AGRN: variants seen among roughly 807,000 people sequenced by gnomAD.
The protein encoded by AGRN is agrin proteoglycan.
A neutral mutation model predicts 211.0 loss-of-function variants in AGRN; 106 were observed. That is an observed-to-expected ratio of 0.50 (90% CI 0.43 to 0.59). AGRN has a LOEUF of 0.59. Among genes scored for constraint, AGRN ranks in the 20% least tolerant of loss-of-function variants. The probability of loss-of-function intolerance (pLI) is 0.00; values close to 1 mark genes in which losing one functional copy is unlikely to be tolerated. For missense variants in AGRN, 3,040 were observed against 2,982.6 expected, an observed-to-expected ratio of 1.02 and a Z score of -0.45; for synonymous variants, 1,525 against 1,332.5, an observed-to-expected ratio of 1.14 and a Z score of -3.15.
In AGRN at chr1:1,040,844, C is replaced by T; in HGVS notation, c.691C>T (p.Gln231Ter). ...CELQRAQCSQ[Q>*]RRIRLLSRGP... ...GCTGCAGCGGGCGCAGTGCAGCCAGCAGCGCCGCATCCGCCTGCTCAGCCG... is the reference window on the plus strand; with the variant it reads ...GCTGCAGCGGGCGCAGTGCAGCCAGTAGCGCCGCATCCGCCTGCTCAGCCG... Residue 231 changes from glutamine to a stop codon, truncating the protein, a stop_gained, in exon 4 of 36, where the codon CAG becomes TAG. Coordinates refer to ENST00000379370, the MANE Select transcript of AGRN (RefSeq NM_198576.4). LOFTEE classifies it high-confidence loss of function. 1 of 1,532,418 alleles carries T rather than the reference C, an allele frequency of 6.5e-7. No individual in the cohort carries two copies. The highest frequency in any genetic ancestry group is 8.7e-7 in the Non-Finnish European group (1 of 1,145,760). The allele number at this position is 1,532,418 out of a possible 1,614,324, so 94.9% of individuals were successfully genotyped here. A position where few individuals can be genotyped will look rare whatever the true frequency, so the allele number is the denominator to read the frequency against.
Position 1,055,145 on chromosome 1 carries a change from G to T in AGRN, c.*164G>T. ...GCAGACAGACCTAGTGCCGAGGGATGGACAGGCGAGGTGGCAGCGTGGAGG... is the reference window on the plus strand; with the variant it reads ...GCAGACAGACCTAGTGCCGAGGGATTGACAGGCGAGGTGGCAGCGTGGAGG... On this transcript the variant is annotated 3_prime_UTR_variant, in exon 36 of 36. Transcript: ENST00000379370. 1.8e-6 allele frequency: 2 copies of T among 1,139,448 alleles called. No homozygotes were observed. Among genetic ancestry groups the T allele is most frequent in the Non-Finnish European group, 2.5e-6 (2 of 798,774 alleles). The allele number at this position is 1,139,448 out of a possible 1,614,324, so 70.6% of individuals were successfully genotyped here.
rs569998185 is a variant in AGRN, at chr1:1,031,976, G to A, written c.464-3301G>A. 4.6e-5 allele frequency among the ~76,000 whole-genome samples: 7 copies of A among 152,338 alleles called. No individual in the cohort carries two copies. The East Asian group carries it at 1.3e-3, about 29-fold the overall frequency. On this transcript the variant is annotated intron_variant, in intron 2 of 35. Coordinates refer to ENST00000379370, the MANE Select transcript of AGRN (RefSeq NM_198576.4). This position sits in a 1 kb window ranked among gnomAD's most constrained non-coding sequence, Gnocchi z 4.8. ...CTGTTCTGGGTTTTCTCATCCCTGG[G>A]TCACACCCTGCGCTGGGGAGATAAA...
Position 1,051,753 on chromosome 1 carries a change from C to T in AGRN, c.5589C>T (p.Asp1863=), listed in dbSNP as rs148105695. The change falls in exon 33 of 36, where the codon GAC becomes GAT. Residue 1863 remains aspartate (D), a synonymous_variant. Transcript: ENST00000379370. ...GGCTGGTGGAGAAGTCAGCGGGGGA[C>T]GTGGATACCTTGGCCTTTGACGGGC... The part of the protein sequence containing the change: ...EKGLVEKSAG[D]VDTLAFDGRT... 159 of 1,613,868 alleles carry T rather than the reference C, an allele frequency of 9.9e-5. No individual in the cohort carries two copies. In the Middle Eastern group the frequency reaches 1.2e-3, roughly 12 times the overall value.
At chr1:1,023,578 C>G (rs774038550) in intron 2 of AGRN, among the ~76,000 whole-genome samples, 1 of 152,054 alleles carries the variant, frequency 6.6e-6, no homozygotes, top group Non-Finnish European at 1.5e-5. Context: ...CTGTCAGGAG[C>G]TGAGGAGGGG....
Position 1,048,309 on chromosome 1 carries a change from G to A in AGRN, c.4049G>A (p.Gly1350Asp), listed in dbSNP as rs1415450170. ...GGGACCTGCCAGGACTGGGCATTGGGCGGGGGCTTCACCTGCAGCTGCCCG... is the reference window on the plus strand; with the variant it reads ...GGGACCTGCCAGGACTGGGCATTGGACGGGGGCTTCACCTGCAGCTGCCCG... Reference protein sequence around the residue: ...HGGTCQDWALGGGFTCSCPAG... With the variant: ...HGGTCQDWALDGGFTCSCPAG... The change falls in exon 23 of 36, where the codon GGC becomes GAC. Residue 1350 changes from glycine to aspartate, a missense_variant. Physicochemically the swap from Gly to Asp is moderately conservative, Grantham distance 94 (BLOSUM62 -1). Transcript: ENST00000379370. This position sits in a 1 kb window ranked among gnomAD's most constrained non-coding sequence, Gnocchi z 5.9. The A allele has an allele frequency of 6.7e-7, 1 of 1,494,650 alleles. No individual in the cohort carries two copies. The highest frequency in any genetic ancestry group is 2.4e-5 in the East Asian group (1 of 41,218). The allele number at this position is 1,494,650 out of a possible 1,614,324, so 92.6% of individuals were successfully genotyped here. A position where few individuals can be genotyped will look rare whatever the true frequency, so the allele number is the denominator to read the frequency against.
At chr1:1,040,234 T>C (rs1644894776) in intron 3 of AGRN, among the ~76,000 whole-genome samples, 1 of 152,116 alleles carries the variant, frequency 6.6e-6, no homozygotes, top group Admixed American at 6.5e-5. Flanking sequence ...GGGGCTCCGG[T>C]GCCGATGTGG....
In AGRN at chr1:1,053,436, G is replaced by A. The variant is rs74912074; in HGVS notation, c.5652-317G>A. ...GGCCCCGCCTGTCCCCTGCTCACCC[G>A]CCTCCCTCTCTTCCTGCTTCTAAGC... On this transcript the variant is annotated intron_variant, in intron 33 of 35. Transcript: ENST00000379370. The A allele has an allele frequency of 4.9e-5, 70 of 1,425,836 alleles. No homozygotes were observed. In the East Asian group the frequency reaches 1.1e-3, roughly 22 times the overall value. The allele number at this position is 1,425,836 out of a possible 1,614,324, so 88.3% of individuals were successfully genotyped here. A position where few individuals can be genotyped will look rare whatever the true frequency, so the allele number is the denominator to read the frequency against.
Position 1,041,306 on chromosome 1 carries a change from C to G in AGRN, c.861C>G (p.Ser287Arg). 1 of 1,518,888 alleles carries G rather than the reference C, an allele frequency of 6.6e-7. No homozygotes were observed. The highest frequency in any genetic ancestry group is 8.8e-7 in the Non-Finnish European group (1 of 1,139,416). The allele number at this position is 1,518,888 out of a possible 1,614,324, so 94.1% of individuals were successfully genotyped here. A position where few individuals can be genotyped will look rare whatever the true frequency, so the allele number is the denominator to read the frequency against. Residue 287 changes from serine to arginine, a missense_variant, in exon 5 of 36, where the codon AGC (serine) becomes AGG (arginine). This residue lies in a region of AGRN where 1,498 missense variants were observed against 1,457.8 expected (regional missense o/e 1.03). Coordinates refer to ENST00000379370, the MANE Select transcript of AGRN (RefSeq NM_198576.4). The stretch of plus-strand genomic sequence containing the variant: ...CCCCCGAGGGGACCGTCTGCGGCAG[C>G]GACGGCGCCGACTACCCCGGCGAGT... ...RGAPEGTVCG[S>R]DGADYPGECQ... is the part of the protein sequence containing the mutation.
intron 2 of AGRN, among the ~76,000 whole-genome samples, chr1:1,029,146 G>T (rs1199542474): frequency 6.6e-6 from 1 of 152,092 alleles, no homozygotes; most frequent in African/African-American, 2.4e-5. Context: ...CCCCTCTGGG[G>T]CCTGCCAATT....
intron 1 of AGRN, among the ~76,000 whole-genome samples, chr1:1,020,936 C>T (rs2100558638): frequency 6.6e-6 from 1 of 151,868 alleles, no homozygotes; most frequent in Non-Finnish European, 1.5e-5. Flanking sequence ...CCATCGCGCT[C>T]CTGCGGGAAC....
At chr1:1,037,005 G>A in intron 3 of AGRN, among the ~76,000 whole-genome samples, 1 of 152,142 alleles carries the variant, frequency 6.6e-6, no homozygotes, top group East Asian at 1.9e-4. Context: ...GGCTTGTCCT[G>A]GAAGACCCTC....
chr1:1,049,124 G>GGGGGCCGGGGCAGCTCA, intron 24 of AGRN, 65 bp downstream of exon 24: 1 of 756,446 alleles, frequency 1.3e-6, no homozygotes, highest in South Asian at 2.0e-5. Flanking sequence ...GCGGGGGAGG[G>GGGGGCCGGGGCAGCTCA]GGGGCCGGGG....
intron 3 of AGRN, among the ~76,000 whole-genome samples, chr1:1,036,783 T>C (rs766241009): frequency 2.6e-5 from 4 of 152,058 alleles, no homozygotes; most frequent in Non-Finnish European, 4.4e-5. Context: ...TCTCTTGGAC[T>C]GTGGGGAGAG....
intron 24 of AGRN, 28 bp downstream of exon 24, chr1:1,049,087 C>A: frequency 8.5e-7 from 1 of 1,181,182 alleles, no homozygotes. Context: ...GGGGCCGGGG[C>A]AGCTCAGGTG....
chr1:1,055,170 G>A lies in AGRN; in HGVS notation c.*189G>A. 1 of 911,652 alleles carries A rather than the reference G, an allele frequency of 1.1e-6. No individual in the cohort carries two copies. The highest frequency in any genetic ancestry group is 1.7e-6 in the Non-Finnish European group (1 of 598,994). 56.5% of individuals were successfully genotyped at this position (911,652 alleles called of 1,614,324 possible). ...GGACAGGCGAGGTGGCAGCGTGGAGGGCTCGGCGTGGATGGCAGCCTCAGG... is the reference window on the plus strand; with the variant it reads ...GGACAGGCGAGGTGGCAGCGTGGAGAGCTCGGCGTGGATGGCAGCCTCAGG... On this transcript the variant is annotated 3_prime_UTR_variant, in exon 36 of 36. Coordinates refer to ENST00000379370, the MANE Select transcript of AGRN (RefSeq NM_198576.4).
rs766498485 is a variant in AGRN at position 1,043,246 on chromosome 1, C to T, written c.1392C>T (p.Ala464=). 1 of 1,604,502 alleles carries T rather than the reference C, an allele frequency of 6.2e-7. No individual in the cohort carries two copies. The highest frequency in any genetic ancestry group is 1.7e-5 in the Admixed American group (1 of 58,190). ...PSKHQGPCDQ[A]PSPCLGVQCA... ...CCCCTGTGTCCTTCCCAGACCAGGC[C>T]CCGTCCCCATGCCTCGGGGTGCAGT... The change falls in exon 8 of 36, where the codon GCC becomes GCT. Residue 464 remains alanine (A), a synonymous_variant. Coordinates refer to ENST00000379370, the MANE Select transcript of AGRN (RefSeq NM_198576.4).
In AGRN at chr1:1,024,496, G is replaced by A. The variant is rs537510903; in HGVS notation, c.463+2034G>A. On this transcript the variant is annotated intron_variant, in intron 2 of 35. Coordinates refer to ENST00000379370, the MANE Select transcript of AGRN (RefSeq NM_198576.4). ...CTCCCAGGGCACAGGATGGCGTCTG[G>A]GCAGCCCCTAGTCTTCAGAAGCTAC... Among the ~76,000 whole-genome samples, 3 of 152,156 alleles carry A rather than the reference G, an allele frequency of 2.0e-5. No individual in the cohort carries two copies. The South Asian group carries it at 6.2e-4, about 32-fold the overall frequency.
intron 2 of AGRN, among the ~76,000 whole-genome samples, chr1:1,025,654 C>T (rs909441837): frequency 2.6e-5 from 4 of 151,766 alleles, no homozygotes; most frequent in African/African-American, 9.7e-5. Context: ...CCCTCTCTGG[C>T]CCTCCCCCAG....
chr1:1,020,185 TC>T lies in AGRN; in HGVS notation c.16del (p.His6ThrfsTer69). On this transcript the variant is annotated frameshift_variant, in exon 1 of 36. Transcript: ENST00000379370. LOFTEE classifies it high-confidence loss of function. MAGR[S>X]HPGPLRPLLP... is the part of the protein sequence containing the mutation. ...TCTCGCCTGCGCCATGGCCGGCCGG[TC>T]CCACCCGGGCCCGCTGCGGCCGCTG... The T allele has an allele frequency of 1.5e-6, 2 of 1,344,964 alleles. No homozygotes were observed. Among genetic ancestry groups the T allele is most frequent in the East Asian group, 3.3e-5 (1 of 30,464 alleles). 83.3% of individuals were successfully genotyped at this position (1,344,964 alleles called of 1,614,324 possible). A position where few individuals can be genotyped will look rare whatever the true frequency, so the allele number is the denominator to read the frequency against.
Sources: gnomAD v4.1 joint callset for allele counts (sites outside exome capture counted in the v4.1 genomes callset) on GRCh38, gnomAD v4.1.1 for gene constraint, gnomAD v4.1.1 regional missense constraint, Gnocchi (gnomAD v3.1) non-coding constraint, MANE v1.5 for transcripts, NCBI Gene and HGNC (gene_info 2026-07-23, HGNC 2026-07-21) for gene names.